UBE2N: variants seen among roughly 807,000 people sequenced by gnomAD.
UBE2N encodes ubiquitin-conjugating enzyme E2 N.
For synonymous variants in UBE2N, 70 were observed against 69.2 expected (o/e 1.01, Z -0.06); for missense variants, 60 against 192.1 (o/e 0.31, Z 4.07).
chr12:93,421,371 T>G (rs1190222288), intron 1 of UBE2N, among the ~76,000 whole-genome samples: 1 of 152,002 alleles, frequency 6.6e-6, no homozygotes, highest in Non-Finnish European at 1.5e-5. Flanking sequence ...CCAGCTAAAT[T>G]TTTTGTATTT....
chr12:93,414,713 T>C (rs1878148328), intron 1 of UBE2N, among the ~76,000 whole-genome samples: 1 of 152,162 alleles, frequency 6.6e-6, no homozygotes, highest in African/African-American at 2.4e-5. Flanking sequence ...AAGATCTTCA[T>C]GTTTTCTCAG....
At chr12:93,440,623 A>T (rs11107028) in intron 1 of UBE2N, among the ~76,000 whole-genome samples, 20,363 of 152,238 alleles carry the variant, frequency 0.13, 1,794 homozygotes, top group Non-Finnish European at 0.19. Flanking sequence ...AAGAATGAGC[A>T]AGATTAACAT....
chr12:93,426,874 T>C (rs1283435952), intron 1 of UBE2N, among the ~76,000 whole-genome samples: 1 of 152,128 alleles, frequency 6.6e-6, no homozygotes, highest in Non-Finnish European at 1.5e-5. Flanking sequence ...CAGCAGATTT[T>C]TTTTTTTTTA....
intron 1 of UBE2N, among the ~76,000 whole-genome samples, chr12:93,436,628 CTT>C (rs879769561): frequency 4.8e-5 from 7 of 146,074 alleles, no homozygotes; most frequent in Admixed American, 6.9e-5. Context: ...TAACTGCTCA[CTT>C]TTTTTTTTTT....
intron 2 of UBE2N, 39 bp from the exon 3 acceptor site, chr12:93,410,913 A>T (rs1369252278): frequency 1.9e-6 from 3 of 1,614,190 alleles, no homozygotes; most frequent in South Asian, 1.1e-5. Context: ...AAGCATGAAA[A>T]AAACAGGCCC....
At chr12:93,430,297 T>C (rs552733717) in intron 1 of UBE2N, among the ~76,000 whole-genome samples, 2 of 152,276 alleles carry the variant, frequency 1.3e-5, no homozygotes, top group South Asian at 4.1e-4. Context: ...TGCTACACTA[T>C]CTAGGTTTGT....
At chr12:93,421,895 G>A (rs1878423187) in intron 1 of UBE2N, among the ~76,000 whole-genome samples, 1 of 152,192 alleles carries the variant, frequency 6.6e-6, no homozygotes, top group African/African-American at 2.4e-5. Context: ...TAACTGGAAG[G>A]AAGAGTAAAA....
At chr12:93,425,707 GAA>G (rs1217588729) in intron 1 of UBE2N, among the ~76,000 whole-genome samples, 4 of 152,046 alleles carry the variant, frequency 2.6e-5, no homozygotes, top group African/African-American at 7.2e-5. Context: ...GGAGTATGCA[GAA>G]AAAAAGACTT....
At chr12:93,426,590 A>C (rs1231943637) in intron 1 of UBE2N, among the ~76,000 whole-genome samples, 2 of 152,184 alleles carry the variant, frequency 1.3e-5, no homozygotes, top group East Asian at 3.9e-4. Context: ...ACAAGTCTGA[A>C]GTCAAGCCAC....
Position 93,409,346 on chromosome 12 carries a change from C to CA in UBE2N, c.*692dup, listed in dbSNP as rs1432973044. 4 of 162,060 alleles carry CA rather than the reference C, an allele frequency of 2.5e-5. No homozygotes were observed. In the East Asian group the frequency reaches 5.8e-4, roughly 23 times the overall value. The allele number at this position is 162,060 out of a possible 1,614,324, so 10.0% of individuals were successfully genotyped here. On this transcript the variant is annotated 3_prime_UTR_variant, in exon 4 of 4. Coordinates refer to ENST00000318066, the MANE Select transcript of UBE2N (RefSeq NM_003348.4). ...AATAAACACAGTAAAATAAACTGTA[C>CA]AAAGGCAAAGTAGAATAACAAAAAA...
rs1195558263 is a variant in UBE2N, at chr12:93,409,287, A to G, written c.*752T>C. ...AAGAAAGAATGTTCCATCAGTTTCA[A>G]TTTTAAAATACGATTGTCAAATTGG... On this transcript the variant is annotated 3_prime_UTR_variant, in exon 4 of 4. Transcript: ENST00000318066. 2.6e-5 allele frequency: 4 copies of G among 154,042 alleles called. 1 individual carries two copies. The Middle Eastern group carries it at 0.014, about 524-fold the overall frequency. 9.5% of individuals were successfully genotyped at this position (154,042 alleles called of 1,614,324 possible).
chr12:93,411,198 A>T lies in UBE2N; in HGVS notation c.132T>A (p.Asp44Glu), dbSNP rs1219390972. 1 of 1,614,218 alleles carries T rather than the reference A, an allele frequency of 6.2e-7. No homozygotes were observed. The highest frequency in any genetic ancestry group is 1.3e-5 in the African/African-American group (1 of 75,064). The change falls in exon 2 of 4, where the codon GAT (aspartate) becomes GAA (glutamate). Residue 44 changes from aspartate to glutamate, a missense_variant. Transcript: ENST00000318066. Reference sequence around the variant, plus strand: ...TAAAAGTCCCTCCCTCAAAGGGGGAATCCTGAGGGCCAGCAATGACCACAT... The same window carrying T: ...TAAAAGTCCCTCCCTCAAAGGGGGATTCCTGAGGGCCAGCAATGACCACAT... ...YFHVVIAGPQ[D>E]SPFEGGTFKL...
chr12:93,425,182 G>A (rs1351236172), intron 1 of UBE2N, among the ~76,000 whole-genome samples: 1 of 152,172 alleles, frequency 6.6e-6, no homozygotes, highest in African/African-American at 2.4e-5. Flanking sequence ...GGTCAAATGA[G>A]GTTGCCCAAG....
At chr12:93,411,940 C>T (rs898830312) in intron 1 of UBE2N, among the ~76,000 whole-genome samples, 5 of 152,110 alleles carry the variant, frequency 3.3e-5, no homozygotes, top group Non-Finnish European at 7.4e-5. Flanking sequence ...GATTTGCTCG[C>T]CTTGGCTTCC....
chr12:93,431,253 A>AACCAAC (rs377497390), intron 1 of UBE2N, among the ~76,000 whole-genome samples: 1 of 152,142 alleles, frequency 6.6e-6, no homozygotes, highest in African/African-American at 2.4e-5. Context: ...AACCAACCAA[A>AACCAAC]CAAACAAAAC....
Position 93,406,917 on chromosome 12 carries a change from G to A in UBE2N, c.*3122C>T, listed in dbSNP as rs1156461642. On this transcript the variant is annotated 3_prime_UTR_variant, in exon 4 of 4. Coordinates refer to ENST00000318066, the MANE Select transcript of UBE2N (RefSeq NM_003348.4). ...TTTGAGAGGATGAAGGATAACTAGAGCAGAAGCAAATCGCAGCGAAGTAGA... is the reference window on the plus strand; with the variant it reads ...TTTGAGAGGATGAAGGATAACTAGAACAGAAGCAAATCGCAGCGAAGTAGA... 1 of 152,226 alleles carries A rather than the reference G, an allele frequency of 6.6e-6. No individual in the cohort carries two copies. Among genetic ancestry groups the A allele is most frequent in the African/African-American group, 2.4e-5 (1 of 41,454 alleles). 9.4% of individuals were successfully genotyped at this position (152,226 alleles called of 1,614,324 possible).
At position 93,430,738 on chromosome 12, in the gene UBE2N, C is replaced by A. The variant is rs191060014; in HGVS notation, c.30+11117G>T. Among the ~76,000 whole-genome samples the A allele has an allele frequency of 1.3e-4, 19 of 149,870 alleles. No individual in the cohort carries two copies. In the East Asian group the frequency reaches 3.1e-3, roughly 25 times the overall value. ...AACCAGCCTGAGCAACATAGGGAGA[C>A]CCTGTCTCTATGTAATATATATTAT... On this transcript the variant is annotated intron_variant, in intron 1 of 3. Coordinates refer to ENST00000318066, the MANE Select transcript of UBE2N (RefSeq NM_003348.4).
At chr12:93,421,197 CT>C (rs62880060) in intron 1 of UBE2N, among the ~76,000 whole-genome samples, 10 of 130,448 alleles carry the variant, frequency 7.7e-5, no homozygotes, top group South Asian at 2.3e-4. Context: ...CTTTTTCTTT[CT>C]TTTTTTTTTG....
At chr12:93,432,726 T>TA (rs1045841777) in intron 1 of UBE2N, among the ~76,000 whole-genome samples, 30 of 149,462 alleles carry the variant, frequency 2.0e-4, no homozygotes, top group South Asian at 8.5e-4. Flanking sequence ...TATTGAAAAC[T>TA]AAAAAAAAAA....
Sources: allele counts gnomAD v4.1 joint callset (sites outside exome capture counted in the v4.1 genomes callset), GRCh38; gene constraint gnomAD v4.1.1; transcripts MANE v1.5; gene names NCBI Gene and HGNC (gene_info 2026-07-23, HGNC 2026-07-21).